Variants in STPG2 observed in about 807,000 individuals in gnomAD.
The protein encoded by STPG2 is sperm-tail PG-rich repeat-containing protein 2.
A neutral mutation model predicts 54.2 loss-of-function variants in STPG2; 56 were observed. The observed-to-expected ratio is 1.03, with a 90% CI of 0.83 to 1.29. STPG2 has a LOEUF of 1.29. Ranked by LOEUF, STPG2 falls within the 50% of genes most tolerant of loss-of-function variation. The pLI, the probability that STPG2 is intolerant of heterozygous loss-of-function variation, is 0.00. For missense variants in STPG2, 596 were observed against 544.9 expected (o/e 1.09, Z -0.93); for synonymous variants, 200 against 181.8 (o/e 1.10, Z -0.81).
At chr4:98,135,993 T>C (rs1185803352) in intron 1 of STPG2, among the ~76,000 whole-genome samples, 2 of 151,200 alleles carry the variant, frequency 1.3e-5, no homozygotes, top group African/African-American at 4.9e-5. Flanking sequence ...ATATGACCCA[T>C]AAAGAGGAGA....
intron 10 of STPG2, among the ~76,000 whole-genome samples, chr4:97,667,837 C>T (rs1027265844): frequency 7.9e-5 from 12 of 152,076 alleles, no homozygotes; most frequent in Non-Finnish European, 1.8e-4. Context: ...GAAACTAATT[C>T]ATTAATTACT....
chr4:97,802,968 T>G (rs1021299662), intron 9 of STPG2, among the ~76,000 whole-genome samples: 2 of 152,162 alleles, frequency 1.3e-5, no homozygotes, highest in African/African-American at 4.8e-5. Context: ...TATATAACAG[T>G]GTCACTTCCT....
intron 9 of STPG2, among the ~76,000 whole-genome samples, chr4:97,813,319 A>C (rs1220828058): frequency 6.6e-6 from 1 of 152,138 alleles, no homozygotes; most frequent in East Asian, 1.9e-4. Flanking sequence ...CATTCGTGCA[A>C]CAAGCTTCAA....
At chr4:97,870,761 T>C (rs1193998812) in intron 8 of STPG2, among the ~76,000 whole-genome samples, 1 of 151,278 alleles carries the variant, frequency 6.6e-6, no homozygotes, top group Non-Finnish European at 1.5e-5. Context: ...ACAGTTCCAA[T>C]GGTCCCAAAA....
chr4:97,635,181 A>T (rs1246409371), intron 10 of STPG2, among the ~76,000 whole-genome samples: 1 of 152,144 alleles, frequency 6.6e-6, no homozygotes, highest in Non-Finnish European at 1.5e-5. Context: ...GTGGGGACCA[A>T]TATTCAACAT....
chr4:97,889,209 T>A (rs919476770), intron 8 of STPG2, among the ~76,000 whole-genome samples: 13 of 152,204 alleles, frequency 8.5e-5, no homozygotes, highest in African/African-American at 2.4e-4. Flanking sequence ...AAGGGAAACC[T>A]AGCACACTGT....
chr4:97,787,029 G>T lies in STPG2; in HGVS notation c.1204+53744C>A, dbSNP rs1051150254. On this transcript the variant is annotated intron_variant, in intron 9 of 10. Coordinates refer to ENST00000295268, the MANE Select transcript of STPG2 (RefSeq NM_174952.3). ...TTGGAACGTATCTTCCTGGATTAGA[G>T]GAGACTACTGTATTCCGATGTTTTA... 7.2e-5 allele frequency among the ~76,000 whole-genome samples: 11 copies of T among 152,056 alleles called. No homozygotes were observed. In the South Asian group the frequency reaches 1.2e-3, roughly 17 times the overall value.
At chr4:97,878,447 C>T (rs958912501) in intron 8 of STPG2, among the ~76,000 whole-genome samples, 1 of 152,192 alleles carries the variant, frequency 6.6e-6, no homozygotes, top group African/African-American at 2.4e-5. Flanking sequence ...TAAATCTAGG[C>T]AGAGGTTCCT....
intron 5 of STPG2, among the ~76,000 whole-genome samples, chr4:98,070,948 C>T (rs1009887042): frequency 2.4e-4 from 37 of 151,528 alleles, no homozygotes; most frequent in African/African-American, 8.8e-4. Flanking sequence ...AAGTAATTTA[C>T]AGATTCAATG....
intron 4 of STPG2, among the ~76,000 whole-genome samples, chr4:97,467,047 A>G (rs561044554): frequency 6.6e-6 from 1 of 152,114 alleles, no homozygotes. Context: ...TTCAAAAGAA[A>G]TACTACAGCT....
Position 97,489,666 on chromosome 4 carries a change from T to A in STPG2, c.462+223033A>T, listed in dbSNP as rs565180180. 2.0e-5 allele frequency: 3 copies of A among 151,800 alleles called. No individual in the cohort carries two copies. In the South Asian group the frequency reaches 6.2e-4, roughly 32 times the overall value. The allele number at this position is 151,800 out of a possible 1,614,324, so 9.4% of individuals were successfully genotyped here. A position where few individuals can be genotyped will look rare whatever the true frequency, so the allele number is the denominator to read the frequency against. ...AGTTCTTATACTTTGAATGTAAATATGCTTCTAGATGGAAAAAATACTAGC... is the reference window on the plus strand; with the variant it reads ...AGTTCTTATACTTTGAATGTAAATAAGCTTCTAGATGGAAAAAATACTAGC... On this transcript the variant is annotated intron_variant, in intron 4 of 4. Transcript: ENST00000522676.
intron 5 of STPG2, among the ~76,000 whole-genome samples, chr4:97,988,026 TCACACACACACACA>T (rs3047311): frequency 1.5e-4 from 21 of 141,708 alleles, no homozygotes; most frequent in Non-Finnish European, 1.8e-4. Context: ...GGTCTGAATG[TCACACACACACACA>T]CACACACACA....
At chr4:97,844,037 C>A (rs910485143) in intron 8 of STPG2, among the ~76,000 whole-genome samples, 5 of 151,580 alleles carry the variant, frequency 3.3e-5, no homozygotes, top group African/African-American at 7.3e-5. Flanking sequence ...ATGAAACCTC[C>A]TGATTTCATA....
intron 1 of STPG2, among the ~76,000 whole-genome samples, chr4:98,139,349 G>A (rs1389367659): frequency 6.6e-6 from 1 of 152,184 alleles, no homozygotes; most frequent in Non-Finnish European, 1.5e-5. Context: ...AGTTAGGAGA[G>A]AACGGTTGGA....
At chr4:97,917,823 C>T (rs1245748424) in intron 8 of STPG2, among the ~76,000 whole-genome samples, 1 of 152,062 alleles carries the variant, frequency 6.6e-6, no homozygotes, top group Non-Finnish European at 1.5e-5. Flanking sequence ...TCTTAGACTA[C>T]ATCCTCTAAA....
intron 4 of STPG2, among the ~76,000 whole-genome samples, chr4:97,540,942 A>G (rs1731684529): frequency 6.6e-6 from 1 of 152,206 alleles, no homozygotes; most frequent in East Asian, 1.9e-4. Context: ...AAAACTCTCA[A>G]TAAATTAGGT....
chr4:97,927,917 A>G (rs974226551), intron 8 of STPG2, among the ~76,000 whole-genome samples: 2 of 152,162 alleles, frequency 1.3e-5, no homozygotes, highest in South Asian at 4.1e-4. Flanking sequence ...TGTCTGTGAT[A>G]CACAGTGTTT....
At chr4:98,094,675 T>C (rs1738793431) in intron 5 of STPG2, among the ~76,000 whole-genome samples, 1 of 152,170 alleles carries the variant, frequency 6.6e-6, no homozygotes, top group Admixed American at 6.5e-5. Flanking sequence ...GCCCTTGGGC[T>C]TTAAGTGAAC....
chr4:97,781,275 A>C (rs1259698072), intron 9 of STPG2, among the ~76,000 whole-genome samples: 1 of 152,198 alleles, frequency 6.6e-6, no homozygotes, highest in South Asian at 2.1e-4. Context: ...CAGAAATACA[A>C]ACTACCATCA....
Sources: gnomAD v4.1 joint callset for allele counts (sites outside exome capture counted in the v4.1 genomes callset) on GRCh38, gnomAD v4.1.1 for gene constraint, MANE v1.5 for transcripts, NCBI Gene and HGNC (gene_info 2026-07-23, HGNC 2026-07-21) for gene names.